GRM7: variants seen among roughly 807,000 people sequenced by gnomAD.
GRM7 encodes the protein metabotropic glutamate receptor 7.
In GRM7, 35 loss-of-function variants were observed where a neutral mutation model predicts 84.5. That is an observed-to-expected ratio of 0.41 (90% CI 0.32 to 0.55). The LOEUF is 0.55. Among genes scored for constraint, GRM7 ranks in the 20% least tolerant of loss-of-function variants. GRM7 has a pLI of 0.19. For missense variants in GRM7, 1,003 were observed against 1,194.6 expected, an observed-to-expected ratio of 0.84 and a Z score of 2.36; for synonymous variants, 487 against 455.1, an observed-to-expected ratio of 1.07 and a Z score of -0.89.
At chr3:7,258,684 G>A (rs570526397) in intron 2 of GRM7, among the ~76,000 whole-genome samples, 1 of 152,308 alleles carries the variant, frequency 6.6e-6, no homozygotes, top group Admixed American at 6.5e-5. Flanking sequence ...TTGGACCATG[G>A]GCCAGAAGTT....
intron 1 of GRM7, among the ~76,000 whole-genome samples, chr3:6,932,349 C>G (rs1179298199): frequency 6.6e-6 from 1 of 152,054 alleles, no homozygotes; most frequent in Non-Finnish European, 1.5e-5. Context: ...GATCGAGTAG[C>G]CCAGATGGAA....
At chr3:7,143,884 C>T (rs533417137) in intron 1 of GRM7, among the ~76,000 whole-genome samples, 54 of 152,270 alleles carry the variant, frequency 3.5e-4, no homozygotes, top group African/African-American at 1.3e-3. Flanking sequence ...AAGCCTCTCT[C>T]TCTTTCTCCC....
chr3:7,732,113 T>A (rs1702353038), intron 9 of GRM7, among the ~76,000 whole-genome samples: 1 of 152,178 alleles, frequency 6.6e-6, no homozygotes, highest in African/African-American at 2.4e-5. Context: ...TGGCGTGATC[T>A]TGGCTCACTG....
At chr3:6,944,241 C>A (rs1697983670) in intron 1 of GRM7, among the ~76,000 whole-genome samples, 1 of 151,998 alleles carries the variant, frequency 6.6e-6, no homozygotes, top group Admixed American at 6.6e-5. Flanking sequence ...AAAAGATATT[C>A]TTGTATTGTT....
At chr3:7,403,570 G>A (rs766750816) in intron 4 of GRM7, among the ~76,000 whole-genome samples, 17 of 145,696 alleles carry the variant, frequency 1.2e-4, no homozygotes, top group African/African-American at 2.5e-4. Flanking sequence ...ATGTACGTCC[G>A]TTATTTGATG....
intron 2 of GRM7, among the ~76,000 whole-genome samples, chr3:7,189,043 G>A (rs954266986): frequency 2.0e-5 from 3 of 152,112 alleles, no homozygotes; most frequent in Non-Finnish European, 4.4e-5. Context: ...CCAGCTCTAC[G>A]CAAGCCATTG....
chr3:7,476,505 C>T (rs1338284415), intron 7 of GRM7, among the ~76,000 whole-genome samples: 1 of 152,112 alleles, frequency 6.6e-6, no homozygotes, highest in African/African-American at 2.4e-5. Flanking sequence ...CAAGATCACA[C>T]TACTTCACTC....
intron 8 of GRM7, among the ~76,000 whole-genome samples, chr3:7,674,703 C>T (rs1700059212): frequency 6.6e-6 from 1 of 152,128 alleles, no homozygotes; most frequent in Admixed American, 6.5e-5. Context: ...GTCTTTCTTG[C>T]CTTCCTCCTG....
chr3:6,986,044 C>T (rs1324473305), intron 1 of GRM7, among the ~76,000 whole-genome samples: 3 of 152,182 alleles, frequency 2.0e-5, no homozygotes, highest in East Asian at 3.9e-4. Context: ...AGCCTTTGCA[C>T]GTACCTGGTG....
At chr3:7,620,443 G>A (rs190552263) in intron 8 of GRM7, among the ~76,000 whole-genome samples, 121 of 152,134 alleles carry the variant, frequency 8.0e-4, no homozygotes, top group Non-Finnish European at 1.3e-3. Context: ...TGAATGTCTT[G>A]GTGAATTATG....
At chr3:7,176,420 A>G (rs1013275913) in intron 2 of GRM7, among the ~76,000 whole-genome samples, 1 of 151,982 alleles carries the variant, frequency 6.6e-6, no homozygotes, top group Non-Finnish European at 1.5e-5. Flanking sequence ...CTGTCTTGAA[A>G]AAAACAAAGA....
chr3:7,083,044 T>G (rs963641604), intron 1 of GRM7, among the ~76,000 whole-genome samples: 4 of 152,200 alleles, frequency 2.6e-5, no homozygotes, highest in African/African-American at 9.6e-5. Context: ...ATAAAGTTAG[T>G]TAACAAAACA....
chr3:7,514,113 CAGAAAA>C, intron 7 of GRM7, among the ~76,000 whole-genome samples: 1 of 152,168 alleles, frequency 6.6e-6, no homozygotes, highest in South Asian at 2.1e-4. Context: ...ATGAACCTTC[CAGAAAA>C]AACCCGGCAT....
intron 2 of GRM7, among the ~76,000 whole-genome samples, chr3:7,289,659 C>T (rs1226980254): frequency 6.6e-6 from 1 of 152,088 alleles, no homozygotes; most frequent in Non-Finnish European, 1.5e-5. Flanking sequence ...ACATATACAC[C>T]ATGGAATACT....
chr3:7,233,494 A>C (rs1697257551), intron 2 of GRM7, among the ~76,000 whole-genome samples: 1 of 152,150 alleles, frequency 6.6e-6, no homozygotes, highest in African/African-American at 2.4e-5. Context: ...TGTACCAGCT[A>C]TTGTAACTTT....
intron 4 of GRM7, among the ~76,000 whole-genome samples, chr3:7,346,359 C>T (rs1262594222): frequency 2.0e-5 from 3 of 152,056 alleles, no homozygotes; most frequent in African/African-American, 4.8e-5. Flanking sequence ...AAAAGTCATC[C>T]GAAGGTCTTC....
intron 4 of GRM7, among the ~76,000 whole-genome samples, chr3:7,320,609 T>G (rs1370020190): frequency 4.6e-5 from 7 of 151,644 alleles, no homozygotes; most frequent in Admixed American, 2.6e-4. Flanking sequence ...CCTTCCTGCT[T>G]CTTCTGTTTC....
chr3:6,989,776 T>A (rs960926549), intron 1 of GRM7, among the ~76,000 whole-genome samples: 3 of 152,248 alleles, frequency 2.0e-5, no homozygotes, highest in Admixed American at 2.0e-4. Context: ...GATCACTCAG[T>A]ATGAATCATC....
At chr3:6,907,654 G>T (rs1574999872) in intron 1 of GRM7, among the ~76,000 whole-genome samples, 1 of 152,194 alleles carries the variant, frequency 6.6e-6, no homozygotes, top group South Asian at 2.1e-4. Context: ...GAGGTAGAAA[G>T]AAGAATGAAA....
Sources: allele counts gnomAD v4.1 joint callset (sites outside exome capture counted in the v4.1 genomes callset), GRCh38; gene constraint gnomAD v4.1.1; transcripts MANE v1.5; gene names NCBI Gene and HGNC (gene_info 2026-07-23, HGNC 2026-07-21).